ADGRD1: variants seen among roughly 807,000 people sequenced by gnomAD.
ADGRD1 encodes the protein adhesion G protein-coupled receptor D1.
ADGRD1 carries 77 observed loss-of-function variants against 113.4 expected under a neutral mutation model. The observed-to-expected ratio is 0.68, with a 90% CI of 0.57 to 0.82. The LOEUF (loss-of-function observed/expected upper bound fraction) is 0.82. ADGRD1 is among the 40% of genes least tolerant of loss of function. The pLI, the probability that ADGRD1 is intolerant of heterozygous loss-of-function variation, is 0.00. For missense variants in ADGRD1, 1,036 were observed against 1,139.1 expected (o/e 0.91, Z 1.30); for synonymous variants, 474 against 475.0 (o/e 1.00, Z 0.03).
At chr12:131,125,872 G>A (rs769398745) in intron 20 of ADGRD1, among the ~76,000 whole-genome samples, 1 of 152,168 alleles carries the variant, frequency 6.6e-6, no homozygotes, top group Non-Finnish European at 1.5e-5. Flanking sequence ...TCTTTATAAT[G>A]CAATGTTGAA....
At position 131,041,538 on chromosome 12, in the gene ADGRD1, G is replaced by A. The variant is rs991980149; in HGVS notation, c.1473+27198G>A. On this transcript the variant is annotated intron_variant, in intron 13 of 24. Transcript: ENST00000261654. This position sits in a 1 kb window ranked among gnomAD's most constrained non-coding sequence, Gnocchi z 4.4. ...TGACCTCCGCAGGGAGACGGAGACT[G>A]TGGTGGCCAGGACAGCATGTATTCA... is the stretch of plus-strand genomic sequence containing the variant. Among the ~76,000 whole-genome samples the A allele has an allele frequency of 6.6e-6, 1 of 152,194 alleles. No individual in the cohort carries two copies. Among genetic ancestry groups the A allele is most frequent in the Non-Finnish European group, 1.5e-5 (1 of 68,030 alleles).
At chr12:131,098,160 T>G (rs1727355) in intron 15 of ADGRD1, among the ~76,000 whole-genome samples, 85,780 of 123,172 alleles carry the variant, frequency 0.7, 30,794 homozygotes, top group South Asian at 0.82. Flanking sequence ...GGGCCTCACT[T>G]CCTTCTCCCG....
chr12:131,037,108 C>G (rs549367570), intron 13 of ADGRD1, among the ~76,000 whole-genome samples: 108 of 145,230 alleles, frequency 7.4e-4, no homozygotes, highest in African/African-American at 2.7e-3. Context: ...GGGCCTCACT[C>G]ACGGCACCGG....
intron 20 of ADGRD1, among the ~76,000 whole-genome samples, chr12:131,129,189 G>C (rs1164925267): frequency 2.0e-4 from 23 of 114,416 alleles, no homozygotes; most frequent in African/African-American, 6.2e-4. Flanking sequence ...CCGCCCTGCT[G>C]TCTGGTGTGA....
chr12:131,137,092 C>A, intron 23 of ADGRD1, 78 bp downstream of exon 23: 2 of 1,147,524 alleles, frequency 1.7e-6, no homozygotes. Flanking sequence ...GCAGGAACAG[C>A]GCTGCCCTGT....
At chr12:131,051,013 C>T (rs55845729) in intron 13 of ADGRD1, among the ~76,000 whole-genome samples, 10,496 of 152,202 alleles carry the variant, frequency 0.069, 382 homozygotes, top group Middle Eastern at 0.099. Flanking sequence ...GTTGGGAACC[C>T]CTGTGTTAAA....
chr12:130,969,006 C>T, intron 3 of ADGRD1: 1 of 1,535,290 alleles, frequency 6.5e-7, no homozygotes, highest in Non-Finnish European at 8.7e-7. Context: ...CACTGTGCTT[C>T]CTTCCCGTAA....
chr12:131,061,425 T>G (rs930915936), intron 13 of ADGRD1, among the ~76,000 whole-genome samples: 12 of 152,226 alleles, frequency 7.9e-5, no homozygotes, highest in Admixed American at 5.9e-4. Context: ...GCCTCTGGCT[T>G]AATAGTAGGA....
chr12:131,048,844 C>T (rs1883097751), intron 13 of ADGRD1, among the ~76,000 whole-genome samples: 1 of 152,180 alleles, frequency 6.6e-6, no homozygotes, highest in Non-Finnish European at 1.5e-5. Flanking sequence ...TGTCTCCCCT[C>T]TCCGAGACTG....
At chr12:131,093,598 G>A (rs879646290) in intron 15 of ADGRD1, among the ~76,000 whole-genome samples, 3 of 152,212 alleles carry the variant, frequency 2.0e-5, no homozygotes, top group Admixed American at 2.0e-4. Context: ...TTGCGGTCCC[G>A]AGGGTGTGTC....
chr12:130,992,590 T>A, intron 8 of ADGRD1, 198 bp downstream of exon 8: 1 of 485,044 alleles, frequency 2.1e-6, no homozygotes, highest in Non-Finnish European at 3.6e-6. Flanking sequence ...GAGCTTCCTT[T>A]ATGGGCACTT....
rs1335735599 is a variant in ADGRD1 at position 131,036,893 on chromosome 12, T to C, written c.1473+22553T>C. Among the ~76,000 whole-genome samples the C allele has an allele frequency of 1.6e-3, 196 of 125,004 alleles. No homozygotes were observed. In the Middle Eastern group the frequency reaches 0.021, roughly 14 times the overall value. 82.0% of individuals were successfully genotyped at this position (125,004 alleles called of 152,430 possible). Reference sequence around the variant, plus strand: ...AGGTTTCACTCACTGCACTGGGTCTTACTCACTGCACTGAGCCTCACTCAC... The same window carrying C: ...AGGTTTCACTCACTGCACTGGGTCTCACTCACTGCACTGAGCCTCACTCAC... On this transcript the variant is annotated intron_variant, in intron 13 of 24. Coordinates refer to ENST00000261654, the MANE Select transcript of ADGRD1 (RefSeq NM_198827.5).
intron 13 of ADGRD1, among the ~76,000 whole-genome samples, chr12:131,065,141 A>G (rs1438548126): frequency 6.6e-6 from 1 of 152,142 alleles, no homozygotes; most frequent in Non-Finnish European, 1.5e-5. Flanking sequence ...CATTCCCCAC[A>G]CTGATGCCAT....
At chr12:131,130,271 A>G (rs1345621780) in intron 20 of ADGRD1, among the ~76,000 whole-genome samples, 1 of 152,338 alleles carries the variant, frequency 6.6e-6, no homozygotes, top group Non-Finnish European at 1.5e-5. Flanking sequence ...TGGGAAAATA[A>G]GGGCAACTAA....
chr12:131,084,742 C>G lies in ADGRD1; in HGVS notation c.1671+79C>G. 6.7e-7 allele frequency: 1 copy of G among 1,485,140 alleles called. No individual in the cohort carries two copies. 92.0% of individuals were successfully genotyped at this position (1,485,140 alleles called of 1,614,324 possible). A position where few individuals can be genotyped will look rare whatever the true frequency, so the allele number is the denominator to read the frequency against. ...CAGGTGGGGGCGGGAGGATGCTTTG[C>G]CCGCCAGTGCCCACGGGCCCTGGGC... On this transcript the variant is annotated intron_variant, in intron 15 of 24. Transcript: ENST00000261654. This position sits in a 1 kb window ranked among gnomAD's most constrained non-coding sequence, Gnocchi z 4.5.
In ADGRD1 at chr12:131,139,188, C is replaced by T. The variant is rs1374560895; in HGVS notation, c.2550C>T (p.Gly850=). The change falls in exon 25 of 25, where the codon GGC becomes GGT. Residue 850 remains glycine, a synonymous_variant. Transcript: ENST00000261654. ...HSDLMNGTRP[G]MASTKLSPWD... is the part of the protein sequence containing the mutation. ...TGCAGATGAATGGGACCCGGCCAGG[C>T]ATGGCCTCCACCAAGCTCAGCCCTT... 6 of 1,613,006 alleles carry T rather than the reference C, an allele frequency of 3.7e-6. No homozygotes were observed. The highest frequency in any genetic ancestry group is 5.1e-6 in the Non-Finnish European group (6 of 1,179,836).
rs1887147447 is a variant in ADGRD1 at position 131,094,561 on chromosome 12, G to A, written c.1671+9898G>A. 2.7e-5 allele frequency among the ~76,000 whole-genome samples: 4 copies of A among 148,574 alleles called. No individual in the cohort carries two copies. In the South Asian group the frequency reaches 8.7e-4, roughly 32 times the overall value. On this transcript the variant is annotated intron_variant, in intron 15 of 24. Coordinates refer to ENST00000261654, the MANE Select transcript of ADGRD1 (RefSeq NM_198827.5). Reference sequence around the variant, plus strand: ...TCCTGCCTTGCCCAGGAGTAACAAGGAAGTTGGTTTGTTCAGCAGCGCCCC... The same window carrying A: ...TCCTGCCTTGCCCAGGAGTAACAAGAAAGTTGGTTTGTTCAGCAGCGCCCC...
chr12:130,961,518 C>T (rs1288161784), intron 2 of ADGRD1, among the ~76,000 whole-genome samples: 1 of 151,978 alleles, frequency 6.6e-6, no homozygotes, highest in Non-Finnish European at 1.5e-5. Flanking sequence ...CTCAAATGGG[C>T]CATGGTTTTG....
rs376548876 is a variant in ADGRD1, at chr12:131,004,331, G to A, written c.1255+35G>A. On this transcript the variant is annotated intron_variant, in intron 11 of 24. Transcript: ENST00000261654. ...GCTGCGCTGGACTCCCTTCCGGGGCGGCTCCCTCAAGTCTTTCTGAAGAGT... is the reference window on the plus strand; with the variant it reads ...GCTGCGCTGGACTCCCTTCCGGGGCAGCTCCCTCAAGTCTTTCTGAAGAGT... 9.7e-5 allele frequency: 141 copies of A among 1,452,154 alleles called. No individual in the cohort carries two copies. The African/African-American group carries it at 1.6e-3, about 16-fold the overall frequency. The allele number at this position is 1,452,154 out of a possible 1,614,324, so 90.0% of individuals were successfully genotyped here. A position where few individuals can be genotyped will look rare whatever the true frequency, so the allele number is the denominator to read the frequency against.
Sources: gnomAD v4.1 joint callset for allele counts (sites outside exome capture counted in the v4.1 genomes callset) on GRCh38, gnomAD v4.1.1 for gene constraint, Gnocchi (gnomAD v3.1) non-coding constraint, MANE v1.5 for transcripts, NCBI Gene and HGNC (gene_info 2026-07-23, HGNC 2026-07-21) for gene names.